The following PRKN variants were observed in gnomAD, a reference collection of about 807,000 sequenced individuals.
The protein encoded by PRKN is E3 ubiquitin-protein ligase parkin.
In PRKN, 56 loss-of-function variants were observed where a neutral mutation model predicts 59.5. That is an observed-to-expected ratio of 0.94 (90% CI 0.76 to 1.18). PRKN has a LOEUF of 1.18. Among genes scored for constraint, PRKN ranks in the 50% most tolerant of loss-of-function variants. The probability of loss-of-function intolerance (pLI) is 0.00; values close to 1 mark genes in which losing one functional copy is unlikely to be tolerated. For synonymous variants in PRKN, 250 were observed against 222.1 expected (o/e 1.13, Z -1.12); for missense variants, 657 against 596.4 (o/e 1.10, Z -1.06).
chr6:162,534,328 ATC>A (rs1358126009), intron 1 of PRKN, among the ~76,000 whole-genome samples: 1 of 152,046 alleles, frequency 6.6e-6, no homozygotes, highest in East Asian at 1.9e-4. Context: ...CTCTGTCCCC[ATC>A]TCTCAGGACT....
chr6:162,274,272 C>T (rs905772138), intron 2 of PRKN, among the ~76,000 whole-genome samples: 5 of 152,026 alleles, frequency 3.3e-5, no homozygotes, highest in Non-Finnish European at 5.9e-5. Flanking sequence ...ATTGCAGTCT[C>T]GGCTTCCAGG....
At chr6:161,381,022 T>C (rs963557693) in intron 10 of PRKN, among the ~76,000 whole-genome samples, 3 of 152,112 alleles carry the variant, frequency 2.0e-5, no homozygotes, top group Non-Finnish European at 4.4e-5. Context: ...GGCTTTTGTG[T>C]TGATGTGTTT....
intron 1 of PRKN, among the ~76,000 whole-genome samples, chr6:162,515,610 TAAGAA>T (rs1303661653): frequency 6.6e-6 from 1 of 152,188 alleles, no homozygotes; most frequent in Non-Finnish European, 1.5e-5. Flanking sequence ...ACTTCAATGT[TAAGAA>T]AAGCAACAGT....
intron 4 of PRKN, among the ~76,000 whole-genome samples, chr6:162,080,125 T>C (rs1184320354): frequency 1.1e-4 from 16 of 152,104 alleles, no homozygotes; most frequent in Admixed American, 9.8e-4. Context: ...ATCCTGTGTG[T>C]TTATTAGAAC....
At chr6:162,289,987 A>G (rs187314927) in intron 2 of PRKN, among the ~76,000 whole-genome samples, 2 of 152,302 alleles carry the variant, frequency 1.3e-5, no homozygotes, top group African/African-American at 4.8e-5. Context: ...GAGAGTGGAA[A>G]TGAGGGCTTG....
At chr6:161,714,808 A>T (rs1347224150) in intron 7 of PRKN, among the ~76,000 whole-genome samples, 1 of 152,212 alleles carries the variant, frequency 6.6e-6, no homozygotes, top group East Asian at 1.9e-4. Context: ...TTCCCAGGAC[A>T]GAACCGGTGA....
At chr6:162,713,493 C>CA (rs373942233) in intron 1 of PRKN, among the ~76,000 whole-genome samples, 32,628 of 81,062 alleles carry the variant, frequency 0.4, 7,267 homozygotes, top group East Asian at 0.65. Context: ...GACTCCACCT[C>CA]AAAAAAAAAA....
intron 7 of PRKN, among the ~76,000 whole-genome samples, chr6:161,670,403 C>T (rs755220808): frequency 1.3e-5 from 2 of 152,144 alleles, no homozygotes; most frequent in African/African-American, 2.4e-5. Context: ...CTTGTGGTTT[C>T]GGGTGGCTGC....
At chr6:162,529,776 A>G (rs1318583346) in intron 1 of PRKN, among the ~76,000 whole-genome samples, 2 of 152,204 alleles carry the variant, frequency 1.3e-5, no homozygotes, top group Non-Finnish European at 2.9e-5. Flanking sequence ...ATGTAAGGGC[A>G]GGGTTTATGG....
intron 1 of PRKN, among the ~76,000 whole-genome samples, chr6:162,555,410 T>G (rs766857183): frequency 4.6e-5 from 7 of 152,130 alleles, no homozygotes; most frequent in Admixed American, 3.9e-4. Flanking sequence ...ATAAAATTAA[T>G]GAAAATGAGA....
intron 2 of PRKN, among the ~76,000 whole-genome samples, chr6:162,296,882 G>C (rs1405450907): frequency 6.6e-6 from 1 of 152,044 alleles, no homozygotes; most frequent in Non-Finnish European, 1.5e-5. Flanking sequence ...TGCCACCTCA[G>C]CTTTCCAAAT....
At chr6:162,284,399 T>A (rs987387980) in intron 2 of PRKN, among the ~76,000 whole-genome samples, 3 of 151,890 alleles carry the variant, frequency 2.0e-5, no homozygotes, top group African/African-American at 4.8e-5. Flanking sequence ...TAATTTTGTA[T>A]TTTTAGTAGA....
chr6:162,390,390 T>TACAC (rs1562725740), intron 2 of PRKN, among the ~76,000 whole-genome samples: 2 of 126,170 alleles, frequency 1.6e-5, no homozygotes, highest in African/African-American at 7.5e-5. Flanking sequence ...TATATATATA[T>TACAC]ATATATACAC....
At chr6:161,524,155 T>A (rs987289645) in intron 9 of PRKN, among the ~76,000 whole-genome samples, 4 of 152,170 alleles carry the variant, frequency 2.6e-5, no homozygotes, top group African/African-American at 9.7e-5. Flanking sequence ...ATCACAGCAC[T>A]TCCAAAAGGA....
intron 6 of PRKN, among the ~76,000 whole-genome samples, chr6:161,910,410 A>G (rs963534787): frequency 8.6e-5 from 13 of 151,960 alleles, no homozygotes; most frequent in Non-Finnish European, 5.9e-5. Context: ...ACCTGCTACC[A>G]CACCCGGCTA....
At position 162,419,986 on chromosome 6, in the gene PRKN, C is replaced by A. The variant is rs924806067; in HGVS notation, c.171+23324G>T. Reference sequence around the variant, plus strand: ...CATCAGGGACTGGTTTCGTGGGAGACAGTTTCTCCACAGACTGGAGCAGGG... The same window carrying A: ...CATCAGGGACTGGTTTCGTGGGAGAAAGTTTCTCCACAGACTGGAGCAGGG... On this transcript the variant is annotated intron_variant, in intron 2 of 11. Coordinates refer to ENST00000366898, the MANE Select transcript of PRKN (RefSeq NM_004562.3). 3.3e-5 allele frequency among the ~76,000 whole-genome samples: 5 copies of A among 152,144 alleles called. No homozygotes were observed. The East Asian group carries it at 9.6e-4, about 29-fold the overall frequency.
In PRKN at chr6:161,842,051, A is replaced by G. The variant is rs55891975; in HGVS notation, c.735-56143T>C. On this transcript the variant is annotated intron_variant, in intron 6 of 11. Coordinates refer to ENST00000366898, the MANE Select transcript of PRKN (RefSeq NM_004562.3). ...GAATAATTTTTAAGCACTAACCCAA[A>G]TTTCTTTCCTGTACTCCTTACAACA... is the stretch of plus-strand genomic sequence containing the variant. Among the ~76,000 whole-genome samples, 1,420 of 151,998 alleles carry G rather than the reference A, an allele frequency of 9.3e-3. 29 individuals carry two copies. The highest frequency in any genetic ancestry group is 0.076 in the East Asian group (393 of 5,156).
At chr6:161,626,805 A>T (rs1783107483) in intron 7 of PRKN, among the ~76,000 whole-genome samples, 1 of 152,244 alleles carries the variant, frequency 6.6e-6, no homozygotes, top group South Asian at 2.1e-4. Flanking sequence ...GCAGGCATTT[A>T]TTCAGCACAA....
chr6:162,626,187 T>G (rs975384704), intron 1 of PRKN, among the ~76,000 whole-genome samples: 3 of 152,216 alleles, frequency 2.0e-5, no homozygotes, highest in African/African-American at 7.2e-5. Flanking sequence ...ATCTGGTTTT[T>G]GCATGCTGGA....
Sources: allele counts gnomAD v4.1 joint callset (sites outside exome capture counted in the v4.1 genomes callset), GRCh38; gene constraint gnomAD v4.1.1; transcripts MANE v1.5; gene names NCBI Gene and HGNC (gene_info 2026-07-23, HGNC 2026-07-21).